The following VPS13C variants were observed in gnomAD, a reference collection of about 807,000 sequenced individuals.
VPS13C encodes intermembrane lipid transfer protein VPS13C.
VPS13C carries 358 observed loss-of-function variants against 456.8 expected under a neutral mutation model. The ratio of observed to expected loss-of-function variants is 0.78; its 90% confidence interval spans 0.72 to 0.86. The LOEUF is 0.86. Ranked by LOEUF, VPS13C falls within the 40% of genes least tolerant of loss-of-function variation. The pLI is 0.00. For synonymous variants in VPS13C, 1,578 were observed against 1,486.7 expected, an observed-to-expected ratio of 1.06 and a Z score of -1.41; for missense variants, 4,818 against 4,385.4, an observed-to-expected ratio of 1.10 and a Z score of -2.79.
In VPS13C at chr15:61,920,578, C is replaced by A; in HGVS notation, c.7132G>T (p.Ala2378Ser). ...GTATTTCCTGAAGAAATATGAATTGCCATTTGTGGCTCAGGAATAAAATCA... is the reference window on the plus strand; with the variant it reads ...GTATTTCCTGAAGAAATATGAATTGACATTTGTGGCTCAGGAATAAAATCA... ...GDDFIPEPQM[A>S]IHISSGNTMN... The change falls in exon 56 of 85, where the codon GCA (alanine) becomes TCA (serine). Residue 2378 changes from alanine to serine, a missense_variant. Coordinates refer to ENST00000644861, the MANE Select transcript of VPS13C (RefSeq NM_020821.3). 2 of 1,586,646 alleles carry A rather than the reference C, an allele frequency of 1.3e-6. No homozygotes were observed. Among genetic ancestry groups the A allele is most frequent in the Middle Eastern group, 1.7e-4 (1 of 5,976 alleles).
chr15:62,006,157 G>C (rs897327753), intron 15 of VPS13C, among the ~76,000 whole-genome samples: 1 of 151,540 alleles, frequency 6.6e-6, no homozygotes, highest in Non-Finnish European at 1.5e-5. Context: ...ACATTGTGCA[G>C]GTTTGTTACA....
intron 36 of VPS13C, among the ~76,000 whole-genome samples, chr15:61,959,210 T>C (rs1225087995): frequency 1.3e-5 from 2 of 152,114 alleles, no homozygotes; most frequent in African/African-American, 4.8e-5. Context: ...AATATGCTAA[T>C]ACATAATTTA....
At chr15:62,001,451 G>C (rs1037047808) in intron 15 of VPS13C, among the ~76,000 whole-genome samples, 1 of 152,074 alleles carries the variant, frequency 6.6e-6, no homozygotes, top group East Asian at 1.9e-4. Flanking sequence ...AAGACATTAA[G>C]CAAATTATGT....
At chr15:61,971,021 C>A (rs542393629) in intron 27 of VPS13C, among the ~76,000 whole-genome samples, 8 of 152,018 alleles carry the variant, frequency 5.3e-5, no homozygotes, top group Non-Finnish European at 1.0e-4. Context: ...TTTTCCAGTA[C>A]CTAAAATAAT....
chr15:62,006,519 A>G (rs185160237), intron 15 of VPS13C, among the ~76,000 whole-genome samples: 9,058 of 151,726 alleles, frequency 0.06, 472 homozygotes, highest in East Asian at 0.21. Flanking sequence ...GGACATTTGG[A>G]TTGGTTCCAA....
At chr15:62,024,617 T>C (rs1452332738) in intron 6 of VPS13C, among the ~76,000 whole-genome samples, 6 of 152,090 alleles carry the variant, frequency 3.9e-5, no homozygotes, top group Non-Finnish European at 7.4e-5. Context: ...TGTTACCAGA[T>C]TGATGTCTTT....
intron 6 of VPS13C, among the ~76,000 whole-genome samples, chr15:62,024,140 T>C (rs1255971564): frequency 6.6e-6 from 1 of 152,076 alleles, no homozygotes; most frequent in Non-Finnish European, 1.5e-5. Flanking sequence ...ATAATATTAA[T>C]GACTTTACAA....
intron 66 of VPS13C, among the ~76,000 whole-genome samples, chr15:61,900,565 C>T (rs1198358161): frequency 6.6e-6 from 1 of 151,694 alleles, no homozygotes; most frequent in Non-Finnish European, 1.5e-5. Context: ...ATGTGAAGGA[C>T]CTCTTCAAGG....
intron 47 of VPS13C, among the ~76,000 whole-genome samples, chr15:61,938,277 G>A (rs78222153): frequency 0.048 from 7,324 of 151,844 alleles, 450 homozygotes; most frequent in African/African-American, 0.13. Flanking sequence ...GGGGTGGGGG[G>A]GGAACAAGTA....
rs765880758 is a variant in VPS13C, at chr15:61,908,991, C to T, written c.8978+1G>A. On this transcript the variant is annotated splice_donor_variant, in intron 65 of 84. Transcript: ENST00000644861. LOFTEE classifies it high-confidence loss of function. ...TTCCCATTAACCCTTTTTTCTCATA[C>T]CTCTGTTTGTATGTGAGGATGTCCC... 15 of 1,609,618 alleles carry T rather than the reference C, an allele frequency of 9.3e-6. No homozygotes were observed. The highest frequency in any genetic ancestry group is 3.4e-5 in the Admixed American group (2 of 59,084).
rs778830621 is a variant in VPS13C at position 61,936,708 on chromosome 15, A to T, written c.5644T>A (p.Leu1882Met). 12 of 1,613,684 alleles carry T rather than the reference A, an allele frequency of 7.4e-6. No homozygotes were observed. Among genetic ancestry groups the T allele is most frequent in the East Asian group, 6.7e-5 (3 of 44,858 alleles). Residue 1882 changes from leucine (L) to methionine (M), a missense_variant, in exon 48 of 85, where the codon TTG (leucine) becomes ATG (methionine). By Grantham distance (15) the Leu-to-Met change is conservative. Around this residue, in one of 3 missense-constraint regions of VPS13C, gnomAD observed 4,552 missense variants for 4,130.6 expected, o/e 1.10. Coordinates refer to ENST00000644861, the MANE Select transcript of VPS13C (RefSeq NM_020821.3). ...GAAGCTTCTCCAAGATTTTCTAGCA[A>T]AATTTTCATTAAAACTGTCAAGTCA... is the stretch of plus-strand genomic sequence containing the variant. ...EDDLTVLMKI[L>M]LENLGEASSQ...
At chr15:61,954,236 C>T (rs2044904369) in intron 38 of VPS13C, among the ~76,000 whole-genome samples, 185 bp downstream of exon 38, 1 of 152,122 alleles carries the variant, frequency 6.6e-6, no homozygotes, top group Non-Finnish European at 1.5e-5. Context: ...GTCATTTTCT[C>T]TATGAAATAT....
Position 61,854,582 on chromosome 15 carries a change from G to A in VPS13C, c.11161-24C>T, listed in dbSNP as rs1345724880. ...CTCTGTAAAGTAAAATACTTATTATGAATTTTAAAGACAAGTATAGGCTCA... is the reference window on the plus strand; with the variant it reads ...CTCTGTAAAGTAAAATACTTATTATAAATTTTAAAGACAAGTATAGGCTCA... On this transcript the variant is annotated intron_variant, in intron 84 of 84. Coordinates refer to ENST00000644861, the MANE Select transcript of VPS13C (RefSeq NM_020821.3). The A allele has an allele frequency of 1.9e-6, 3 of 1,607,844 alleles. No homozygotes were observed. In the South Asian group the frequency reaches 3.3e-5, roughly 18 times the overall value.
chr15:61,912,110 A>C, intron 62 of VPS13C, 106 bp from the exon 63 acceptor site: 1 of 1,017,962 alleles, frequency 9.8e-7, no homozygotes. Context: ...TAAAATAATA[A>C]TTCTTAAATA....
At chr15:61,865,476 T>A (rs936994838) in intron 81 of VPS13C, 3 of 984,208 alleles carry the variant, frequency 3.0e-6, no homozygotes, top group Non-Finnish European at 3.6e-6. Context: ...CGTTGCATGA[T>A]CATAAGTATG....
chr15:61,964,512 A>C (rs2045318619), intron 31 of VPS13C, among the ~76,000 whole-genome samples, 187 bp downstream of exon 31: 1 of 152,074 alleles, frequency 6.6e-6, no homozygotes, highest in African/African-American at 2.4e-5. Context: ...AACTAAAAGA[A>C]ACATTTTTAA....
intron 68 of VPS13C, among the ~76,000 whole-genome samples, chr15:61,883,174 C>T (rs969072163): frequency 2.6e-5 from 4 of 151,652 alleles, no homozygotes; most frequent in Non-Finnish European, 5.9e-5. Context: ...AGATGTGACA[C>T]CATGCCCAGC....
At chr15:62,047,695 T>C (rs996701430) in intron 1 of VPS13C, among the ~76,000 whole-genome samples, 5 of 152,148 alleles carry the variant, frequency 3.3e-5, no homozygotes, top group Admixed American at 6.5e-5. Flanking sequence ...ATTCAAGCAG[T>C]AGCTGAGTAC....
At chr15:62,016,994 G>A (rs1290272067) in intron 9 of VPS13C, among the ~76,000 whole-genome samples, 1 of 152,038 alleles carries the variant, frequency 6.6e-6, no homozygotes, top group African/African-American at 2.4e-5. Flanking sequence ...TCTCATTGCG[G>A]TTTTGATTTG....
Sources: gnomAD v4.1 joint callset for allele counts (sites outside exome capture counted in the v4.1 genomes callset) on GRCh38, gnomAD v4.1.1 for gene constraint, gnomAD v4.1.1 regional missense constraint, MANE v1.5 for transcripts, NCBI Gene and HGNC (gene_info 2026-07-23, HGNC 2026-07-21) for gene names.